LIPA: variants seen among roughly 807,000 people sequenced by gnomAD.
LIPA encodes lysosomal acid lipase/cholesteryl ester hydrolase.
In LIPA, 26 loss-of-function variants were observed where a neutral mutation model predicts 40.6. That is an observed-to-expected ratio of 0.64 (90% CI 0.47 to 0.89). LIPA has a LOEUF of 0.89. Among genes scored for constraint, LIPA ranks in the 40% least tolerant of loss-of-function variants. LIPA has a pLI of 0.00. For missense variants in LIPA, 455 were observed against 479.6 expected (o/e 0.95, Z 0.48); for synonymous variants, 188 against 168.4 (o/e 1.12, Z -0.90).
At chr10:89,380,007 C>G (rs1461079172) in intron 2 of LIPA, among the ~76,000 whole-genome samples, 1 of 151,634 alleles carries the variant, frequency 6.6e-6, no homozygotes, top group African/African-American at 2.4e-5. Flanking sequence ...TGCACTCCAG[C>G]CTGGGCAACA....
At chr10:89,355,873 A>G (rs1054087857) in intron 2 of LIPA, among the ~76,000 whole-genome samples, 24 of 152,334 alleles carry the variant, frequency 1.6e-4, no homozygotes, top group African/African-American at 5.3e-4. Context: ...AAGTTAACCT[A>G]TATGGTCTAA....
intron 5 of LIPA, 121 bp from the exon 6 acceptor site, chr10:89,225,349 C>A (rs1309911879): frequency 1.2e-5 from 14 of 1,201,470 alleles, no homozygotes; most frequent in Non-Finnish European, 1.7e-5. Flanking sequence ...CAAACAATAC[C>A]ACCAGCAGGA....
chr10:89,230,925 C>T (rs1048909759), intron 3 of LIPA, among the ~76,000 whole-genome samples: 10 of 152,128 alleles, frequency 6.6e-5, no homozygotes, highest in South Asian at 2.1e-4. Flanking sequence ...GACTGACACA[C>T]GGGTCACAGT....
chr10:89,319,535 A>G (rs565940273), intron 1 of LIPA, among the ~76,000 whole-genome samples: 66 of 152,350 alleles, frequency 4.3e-4, no homozygotes, highest in Non-Finnish European at 8.1e-4. Context: ...TCCTGAATAG[A>G]CCAATAACAG....
intron 1 of LIPA, chr10:89,307,250 G>T: frequency 3.1e-6 from 5 of 1,613,978 alleles, no homozygotes; most frequent in Non-Finnish European, 4.2e-6. Context: ...AGATTCTGAG[G>T]CTTTGCATGT....
rs766297332 is a variant in LIPA, at chr10:89,223,771, G to A, written c.735C>T (p.Thr245=). 5.0e-6 allele frequency: 8 copies of A among 1,613,820 alleles called. No individual in the cohort carries two copies. Among genetic ancestry groups the A allele is most frequent in the Non-Finnish European group, 6.8e-6 (8 of 1,179,752 alleles). ...PQSAFLKWLG[T]HVCTHVILKE... ...TCAGTATGACATGAGTGCAAACGTG[G>A]GTACCCAGCCACTTCAAAAACGCAC... is the stretch of plus-strand genomic sequence containing the variant. Residue 245 remains threonine (T), a synonymous_variant, in exon 7 of 10, where the codon ACC becomes ACT. Transcript: ENST00000336233.
intron 2 of LIPA, among the ~76,000 whole-genome samples, chr10:89,355,832 C>T (rs950870810): frequency 5.3e-5 from 8 of 152,262 alleles, no homozygotes; most frequent in African/African-American, 9.6e-5. Flanking sequence ...CTCCCATCAG[C>T]GCCATGGCAT....
chr10:89,413,596 G>A (rs924821120), intron 1 of LIPA, among the ~76,000 whole-genome samples: 5 of 151,828 alleles, frequency 3.3e-5, no homozygotes, highest in Admixed American at 6.6e-5. Flanking sequence ...GCAAAACCCC[G>A]CCTCTACAAA....
upstream of LIPA, among the ~76,000 whole-genome samples, chr10:89,256,459 T>G (rs1843181458): frequency 6.6e-6 from 1 of 152,052 alleles, no homozygotes; most frequent in Admixed American, 6.6e-5. Flanking sequence ...GGAGGAGAAA[T>G]GAGTGTGTTG....
chr10:89,315,324 A>G (rs1251566580), intron 1 of LIPA, among the ~76,000 whole-genome samples: 2 of 152,200 alleles, frequency 1.3e-5, no homozygotes, highest in Non-Finnish European at 2.9e-5. Flanking sequence ...AACCAATCAG[A>G]ATTAGACTTT....
chr10:89,383,586 T>C, intron 2 of LIPA: 1 of 1,614,132 alleles, frequency 6.2e-7, no homozygotes, highest in Non-Finnish European at 8.5e-7. Flanking sequence ...ACCAAGCAGA[T>C]ATTAGAAGTC....
intron 1 of LIPA, among the ~76,000 whole-genome samples, chr10:89,329,420 C>G (rs1843628813): frequency 1.3e-5 from 2 of 152,232 alleles, no homozygotes; most frequent in South Asian, 4.1e-4. Flanking sequence ...TTTACAGGGT[C>G]CTGTCTTTAG....
At chr10:89,301,875 T>C (rs1438676724) in intron 1 of LIPA, 4 of 399,806 alleles carry the variant, frequency 1.0e-5, no homozygotes, top group Non-Finnish European at 1.8e-5. Context: ...ACAACTCAGC[T>C]CCGGAGGAAA....
intron 1 of LIPA, among the ~76,000 whole-genome samples, chr10:89,276,846 C>A (rs1472521984): frequency 6.6e-6 from 1 of 152,026 alleles, no homozygotes; most frequent in Non-Finnish European, 1.5e-5. Context: ...TTATTATTCC[C>A]ATTTGATAGA....
chr10:89,247,794 C>A, intron 1 of LIPA, 145 bp from the exon 2 acceptor site: 4 of 526,096 alleles, frequency 7.6e-6, no homozygotes, highest in Non-Finnish European at 1.4e-5. Flanking sequence ...ATGACTCCAG[C>A]CATATCTGAA....
intron 1 of LIPA, among the ~76,000 whole-genome samples, chr10:89,290,816 C>A (rs1843369688): frequency 6.6e-6 from 1 of 152,220 alleles, no homozygotes. Flanking sequence ...TCAGACTCAG[C>A]CTGCCTGCAC....
intron 1 of LIPA, among the ~76,000 whole-genome samples, chr10:89,313,994 G>A (rs1167412673): frequency 6.6e-6 from 1 of 152,174 alleles, no homozygotes; most frequent in Non-Finnish European, 1.5e-5. Context: ...TACTTTAAAT[G>A]AGTGGATTAT....
chr10:89,305,440 CTAAGGAAT>C (rs1843472128), intron 1 of LIPA, among the ~76,000 whole-genome samples: 2 of 151,914 alleles, frequency 1.3e-5, no homozygotes, highest in Non-Finnish European at 1.5e-5. Context: ...TGAAGGAGAA[CTAAGGAAT>C]TAAGAATATC....
chr10:89,216,988 A>G (rs1464788030), intron 8 of LIPA, among the ~76,000 whole-genome samples: 1 of 152,230 alleles, frequency 6.6e-6, no homozygotes, highest in East Asian at 1.9e-4. Flanking sequence ...TGAAATTTAC[A>G]TTTATTCATA....
Sources: allele counts gnomAD v4.1 joint callset (sites outside exome capture counted in the v4.1 genomes callset), GRCh38; gene constraint gnomAD v4.1.1; transcripts MANE v1.5; gene names NCBI Gene and HGNC (gene_info 2026-07-23, HGNC 2026-07-21).